Variants in RPS6KA2 observed in about 807,000 individuals in gnomAD.
RPS6KA2 encodes the protein ribosomal protein S6 kinase A2, also known as ribosomal protein S6 kinase alpha-2.
In RPS6KA2, 42 loss-of-function variants were observed where a neutral mutation model predicts 91.8. The ratio of observed to expected loss-of-function variants is 0.46; its 90% CI spans 0.36 to 0.59. The LOEUF is 0.59. RPS6KA2 is among the 20% of genes least tolerant of loss of function. RPS6KA2 has a pLI of 0.00. For missense variants in RPS6KA2, 798 were observed against 978.5 expected (o/e 0.82, Z 2.46); for synonymous variants, 414 against 393.6 (o/e 1.05, Z -0.61).
chr6:166,599,640 C>A (rs1785658982), intron 1 of RPS6KA2, among the ~76,000 whole-genome samples: 1 of 152,072 alleles, frequency 6.6e-6, no homozygotes. Flanking sequence ...CCAACAGACG[C>A]ATGAATTTAA....
intron 14 of RPS6KA2, among the ~76,000 whole-genome samples, chr6:166,447,289 G>C (rs1779711364): frequency 1.3e-5 from 2 of 152,156 alleles, no homozygotes; most frequent in Non-Finnish European, 2.9e-5. Context: ...TGTAAATCAT[G>C]ATCTATTTCC....
chr6:166,688,536 G>A (rs1789094581), intron 2 of RPS6KA2, among the ~76,000 whole-genome samples: 1 of 152,220 alleles, frequency 6.6e-6, no homozygotes, highest in African/African-American at 2.4e-5. Context: ...GAACCGTGGG[G>A]TAAAACAAAA....
chr6:166,761,127 G>C (rs936714022), intron 2 of RPS6KA2, among the ~76,000 whole-genome samples: 1 of 152,126 alleles, frequency 6.6e-6, no homozygotes, highest in Non-Finnish European at 1.5e-5. Context: ...GCAGTGGTGC[G>C]ATCTCGGCTC....
intron 9 of RPS6KA2, among the ~76,000 whole-genome samples, chr6:166,489,687 C>T (rs922744153): frequency 6.6e-6 from 1 of 152,088 alleles, no homozygotes; most frequent in Non-Finnish European, 1.5e-5. Flanking sequence ...AATTCAAGGT[C>T]CCTTGATGGA....
chr6:166,572,402 G>A (rs1043537287), intron 1 of RPS6KA2, among the ~76,000 whole-genome samples: 7 of 152,228 alleles, frequency 4.6e-5, no homozygotes, highest in African/African-American at 1.7e-4. Flanking sequence ...AACAGATATT[G>A]GTTTAGGAAG....
chr6:166,423,466 G>C lies in RPS6KA2; in HGVS notation c.1582-49C>G. The C allele has an allele frequency of 1.3e-6, 2 of 1,549,512 alleles. No homozygotes were observed. The highest frequency in any genetic ancestry group is 1.2e-5 in the South Asian group (1 of 85,566). ...CTACTTGGGGGCTGAGGACTGAGCA[G>C]GAGAGGGAGGGCAGGTGCATTTGGA... On this transcript the variant is annotated intron_variant, in intron 16 of 20. Coordinates refer to ENST00000265678, the MANE Select transcript of RPS6KA2 (RefSeq NM_021135.6). The surrounding 1 kb of genome is among the most constrained non-coding windows in gnomAD (Gnocchi z 4.8).
At chr6:166,759,784 G>GCAGCCTCAGCTCCTGCGGAAGACA in intron 2 of RPS6KA2, among the ~76,000 whole-genome samples, 1 of 152,328 alleles carries the variant, frequency 6.6e-6, no homozygotes, top group African/African-American at 2.4e-5. Context: ...ACCGCTGGCT[G>GCAGCCTCAGCTCCTGCGGAAGACA]CAGCCTCAGC....
Position 166,418,225 on chromosome 6 carries a change from T to G in RPS6KA2, c.1938A>C (p.Lys646Asn). The change falls in exon 19 of 21, where the codon AAA (lysine) becomes AAC (asparagine). Residue 646 changes from lysine to asparagine, a missense_variant and splice_region_variant. Transcript: ENST00000265678. The surrounding 1 kb of genome is among the most constrained non-coding windows in gnomAD (Gnocchi z 4.9). ...AAGCAACGCTGGGACATGTACTCAC[T>G]TTAGCTGCGTCAGATATCGAGTCCC... is the stretch of plus-strand genomic sequence containing the variant. Reference protein sequence around the residue: ...GNWDSISDAAKDVVSKMLHVD... With the variant: ...GNWDSISDAANDVVSKMLHVD... The G allele has an allele frequency of 6.3e-7, 1 of 1,593,888 alleles. No homozygotes were observed. The highest frequency in any genetic ancestry group is 8.6e-7 in the Non-Finnish European group (1 of 1,162,534).
chr6:166,421,806 G>A (rs1778730171), intron 17 of RPS6KA2, among the ~76,000 whole-genome samples: 1 of 151,978 alleles, frequency 6.6e-6, no homozygotes, highest in Non-Finnish European at 1.5e-5. Flanking sequence ...GAGGGATGAG[G>A]AAAACGTCAT....
chr6:166,685,094 C>T (rs979285905), intron 2 of RPS6KA2, among the ~76,000 whole-genome samples: 3 of 152,202 alleles, frequency 2.0e-5, no homozygotes, highest in Non-Finnish European at 4.4e-5. Context: ...CTCGAAGTCC[C>T]CATCCAGTGG....
intron 2 of RPS6KA2, among the ~76,000 whole-genome samples, chr6:166,670,402 C>G (rs535941318): frequency 1.8e-4 from 27 of 152,342 alleles, no homozygotes; most frequent in Admixed American, 4.6e-4. Context: ...TGCAGCCACA[C>G]TTCTGCCCCC....
intron 3 of RPS6KA2, among the ~76,000 whole-genome samples, chr6:166,519,101 G>A (rs554105928): frequency 1.3e-5 from 2 of 152,366 alleles, no homozygotes; most frequent in East Asian, 1.9e-4. Flanking sequence ...CTGATGCTGA[G>A]TACGTTCAAG....
chr6:166,467,034 CCTCA>C (rs953972506), intron 11 of RPS6KA2, among the ~76,000 whole-genome samples: 49 of 148,592 alleles, frequency 3.3e-4, no homozygotes, highest in African/African-American at 8.7e-4. Context: ...TCATTCACTT[CCTCA>C]CTCATTCACT....
chr6:166,531,273 T>C lies in RPS6KA2; in HGVS notation c.257A>G (p.Gln86Arg). ...VRKVKGSDAGQLYAMKVLKKA... is the reference protein window; with the variant it reads ...VRKVKGSDAGRLYAMKVLKKA... ...CTTAAGGACCTTCATGGCGTAGAGC[T>C]GCCCAGCGTCGGACCCCTTCACCTT... The change falls in exon 3 of 21, where the codon CAG becomes CGG. Residue 86 changes from glutamine (Q) to arginine (R), a missense_variant. Physicochemically the swap from Gln to Arg is conservative, Grantham distance 43. Coordinates refer to ENST00000265678, the MANE Select transcript of RPS6KA2 (RefSeq NM_021135.6). 1 of 1,614,160 alleles carries C rather than the reference T, an allele frequency of 6.2e-7. No homozygotes were observed. The highest frequency in any genetic ancestry group is 8.5e-7 in the Non-Finnish European group (1 of 1,179,992).
chr6:166,560,507 A>G (rs1471870159), intron 1 of RPS6KA2, among the ~76,000 whole-genome samples: 1 of 152,214 alleles, frequency 6.6e-6, no homozygotes, highest in Non-Finnish European at 1.5e-5. Context: ...CATTCCATAC[A>G]TTTCGCTTAA....
intron 2 of RPS6KA2, among the ~76,000 whole-genome samples, chr6:166,728,713 T>C (rs1417089233): frequency 6.6e-6 from 1 of 152,130 alleles, no homozygotes; most frequent in Non-Finnish European, 1.5e-5. Context: ...GTGCTTACTT[T>C]CTCACTTCTA....
At chr6:166,720,032 A>G (rs1790128554) in intron 2 of RPS6KA2, among the ~76,000 whole-genome samples, 1 of 152,254 alleles carries the variant, frequency 6.6e-6, no homozygotes, top group African/African-American at 2.4e-5. Context: ...GAAATCTTCA[A>G]GCCCCAAAAT....
chr6:166,730,495 A>G (rs1790478412), intron 2 of RPS6KA2, among the ~76,000 whole-genome samples: 1 of 152,216 alleles, frequency 6.6e-6, no homozygotes, highest in Non-Finnish European at 1.5e-5. Context: ...TCCTGACATG[A>G]CACTGTCATT....
At chr6:166,472,202 G>T (rs1780798790) in intron 10 of RPS6KA2, among the ~76,000 whole-genome samples, 1 of 152,236 alleles carries the variant, frequency 6.6e-6, no homozygotes, top group Non-Finnish European at 1.5e-5. Context: ...ACAGTTCAGA[G>T]GCCCTGGTAC....
Sources: allele counts gnomAD v4.1 joint callset (sites outside exome capture counted in the v4.1 genomes callset), GRCh38; gene constraint gnomAD v4.1.1; non-coding constraint Gnocchi (gnomAD v3.1); transcripts MANE v1.5; gene names NCBI Gene and HGNC (gene_info 2026-07-23, HGNC 2026-07-21).